Variants in CACNA1H observed in about 807,000 individuals in gnomAD.
CACNA1H encodes the protein calcium voltage-gated channel subunit alpha1 H.
A neutral mutation model predicts 192.5 loss-of-function variants in CACNA1H; 149 were observed. That is an observed-to-expected ratio of 0.77 (90% CI 0.68 to 0.89). The LOEUF (loss-of-function observed/expected upper bound fraction) is 0.89, where lower values mean the gene tolerates loss of function less well. CACNA1H is among the 40% of genes least tolerant of loss of function. The pLI is 0.00. For missense variants in CACNA1H, 4,257 were observed against 3,423.5 expected, an observed-to-expected ratio of 1.24 and a Z score of -6.08; for synonymous variants, 2,202 against 1,475.2, an observed-to-expected ratio of 1.49 and a Z score of -11.29.
Position 1,220,087 on chromosome 16 carries a change from G to A in CACNA1H, c.6155G>A (p.Gly2052Glu). The change falls in exon 35 of 35, where the codon GGG (glycine) becomes GAG (glutamate). Residue 2052 changes from glycine (G) to glutamate (E), a missense_variant. Transcript: ENST00000348261. ...ACCCCGGTGAGGCCGGTGACCCAGG[G>A]GGGCTCCCTGCAGTCCCCACCACGC... ...EKTPVRPVTQ[G>E]GSLQSPPRSP... 3 of 1,461,336 alleles carry A rather than the reference G, an allele frequency of 2.1e-6. No individual in the cohort carries two copies. Among genetic ancestry groups the A allele is most frequent in the Middle Eastern group, 1.8e-4 (1 of 5,512 alleles). The allele number at this position is 1,461,336 out of a possible 1,614,324, so 90.5% of individuals were successfully genotyped here.
intron 2 of CACNA1H, among the ~76,000 whole-genome samples, chr16:1,181,140 C>T (rs897257417): frequency 6.6e-6 from 1 of 152,222 alleles, no homozygotes; most frequent in Non-Finnish European, 1.5e-5. Context: ...CAGGGGCAGG[C>T]GGCCGTCTTC....
rs1387438918 is a variant in CACNA1H at position 1,214,882 on chromosome 16, A to G, written c.4930-90A>G. On this transcript the variant is annotated intron_variant, in intron 27 of 34. Transcript: ENST00000348261. ...GACCTGGGAGCCTCCAGGGCCGGCC[A>G]GCGGGGGCACTCGGGCGTGCAGAGT... The G allele has an allele frequency of 6.1e-6, 6 of 976,244 alleles. No individual in the cohort carries two copies. In the African/African-American group the frequency reaches 9.7e-5, roughly 16 times the overall value. The allele number at this position is 976,244 out of a possible 1,614,324, so 60.5% of individuals were successfully genotyped here.
In CACNA1H at chr16:1,202,107, G is replaced by C. The variant is rs1258128309; in HGVS notation, c.1657G>C (p.Ala553Pro). ...CGCCTGCGACACCAGGCTGGTCCGA[G>C]CTGGCGCGCCCCCCTCGCCACCTTC... is the stretch of plus-strand genomic sequence containing the variant. ...PGACDTRLVR[A>P]GAPPSPPSPG... The change falls in exon 9 of 35, where the codon GCT becomes CCT. Residue 553 changes from alanine to proline, a missense_variant. Coordinates refer to ENST00000348261, the MANE Select transcript of CACNA1H (RefSeq NM_021098.3). 5.8e-6 allele frequency: 9 copies of C among 1,545,608 alleles called. No individual in the cohort carries two copies. The East Asian group carries it at 2.2e-4, about 38-fold the overall frequency.
chr16:1,183,962 A>G (rs1965730837), intron 2 of CACNA1H, among the ~76,000 whole-genome samples: 1 of 152,236 alleles, frequency 6.6e-6, no homozygotes, highest in South Asian at 2.1e-4. Context: ...CGCCTGGGGA[A>G]GGTGCGTCTG....
chr16:1,198,170 C>G (rs921761869), intron 5 of CACNA1H, among the ~76,000 whole-genome samples: 2 of 152,158 alleles, frequency 1.3e-5, no homozygotes, highest in East Asian at 1.9e-4. Flanking sequence ...GTGGCAACTT[C>G]AGGGTGTCGC....
rs1156543513 is a variant in CACNA1H at position 1,221,568 on chromosome 16, C to G, written c.*574C>G. On this transcript the variant is annotated 3_prime_UTR_variant, in exon 35 of 35. Transcript: ENST00000348261. Reference sequence around the variant, plus strand: ...TGACACCTCACTAAGGGGCCGACCCCATGGAGTAACGCGCCCGGCCCCGAT... The same window carrying G: ...TGACACCTCACTAAGGGGCCGACCCGATGGAGTAACGCGCCCGGCCCCGAT... 1 of 556,384 alleles carries G rather than the reference C, an allele frequency of 1.8e-6. No individual in the cohort carries two copies. The highest frequency in any genetic ancestry group is 3.2e-5 in the East Asian group (1 of 30,958). 34.5% of individuals were successfully genotyped at this position (556,384 alleles called of 1,614,324 possible).
chr16:1,154,737 G>A lies in CACNA1H; in HGVS notation c.299+701G>A, dbSNP rs1025171883. Reference sequence around the variant, plus strand: ...TTCCCTGGCTGGAGAGGAAGAGGCAGCCTCTTCTACTCTCGGCCAGAGCGG... The same window carrying A: ...TTCCCTGGCTGGAGAGGAAGAGGCAACCTCTTCTACTCTCGGCCAGAGCGG... On this transcript the variant is annotated intron_variant, in intron 2 of 34. Transcript: ENST00000348261. Among the ~76,000 whole-genome samples, 4 of 152,318 alleles carry A rather than the reference G, an allele frequency of 2.6e-5. No homozygotes were observed. In the East Asian group the frequency reaches 5.8e-4, roughly 22 times the overall value.
intron 2 of CACNA1H, among the ~76,000 whole-genome samples, chr16:1,154,254 TC>T (rs921630107): frequency 6.6e-6 from 1 of 151,838 alleles, no homozygotes; most frequent in African/African-American, 2.4e-5. Context: ...CGGACTCCCT[TC>T]CCCAGGGCCG....
intron 5 of CACNA1H, among the ~76,000 whole-genome samples, chr16:1,196,587 G>T (rs543758406): frequency 6.6e-6 from 1 of 152,330 alleles, no homozygotes; most frequent in African/African-American, 2.4e-5. Context: ...GCTGGCCAGG[G>T]CTGGGCCTCC....
intron 2 of CACNA1H, among the ~76,000 whole-genome samples, chr16:1,172,607 C>T (rs915248356): frequency 6.6e-6 from 1 of 152,322 alleles, no homozygotes; most frequent in South Asian, 2.1e-4. Flanking sequence ...AGCAGGAGCT[C>T]CCGGCTTCTG....
intron 2 of CACNA1H, among the ~76,000 whole-genome samples, chr16:1,187,637 C>T (rs555518889): frequency 6.6e-6 from 1 of 152,332 alleles, no homozygotes; most frequent in African/African-American, 2.4e-5. Flanking sequence ...GCACTGATGT[C>T]AGGATGCAGC....
Position 1,180,527 on chromosome 16 carries a change from CCA to C in CACNA1H, c.300-14442_300-14441del, listed in dbSNP as rs933989680. On this transcript the variant is annotated intron_variant, in intron 2 of 34. Transcript: ENST00000348261. The surrounding 1 kb of genome is among the most constrained non-coding windows in gnomAD (Gnocchi z 4.4). ...TCCCCATACCCCCTCCGAGGCACAGCCACAGTCTCTGGGTCCTGAGCAGGGGC... is the reference window on the plus strand; with the variant it reads ...TCCCCATACCCCCTCCGAGGCACAGCCAGTCTCTGGGTCCTGAGCAGGGGC... Among the ~76,000 whole-genome samples the C allele has an allele frequency of 2.6e-5, 4 of 152,142 alleles. No homozygotes were observed. The highest frequency in any genetic ancestry group is 9.7e-5 in the African/African-American group (4 of 41,428).
intron 2 of CACNA1H, among the ~76,000 whole-genome samples, chr16:1,172,722 G>A (rs1287928764): frequency 2.6e-5 from 4 of 152,076 alleles, no homozygotes; most frequent in Non-Finnish European, 5.9e-5. Flanking sequence ...AGGTGCATGG[G>A]GTGAGCTGGG....
chr16:1,215,513 C>T lies in CACNA1H; in HGVS notation c.5174-10C>T. ...GCCCAGCCCTGCTGACGCTCAGCTCCCGGCCCTAGTGCTGAAGCTGCTGAA... is the reference window on the plus strand; with the variant it reads ...GCCCAGCCCTGCTGACGCTCAGCTCTCGGCCCTAGTGCTGAAGCTGCTGAA... On this transcript the variant is annotated splice_polypyrimidine_tract_variant and intron_variant, in intron 29 of 34. Coordinates refer to ENST00000348261, the MANE Select transcript of CACNA1H (RefSeq NM_021098.3). 1.2e-6 allele frequency: 2 copies of T among 1,610,524 alleles called. No individual in the cohort carries two copies. The highest frequency in any genetic ancestry group is 1.7e-6 in the Non-Finnish European group (2 of 1,179,116).
Position 1,215,065 on chromosome 16 carries a change from C to A in CACNA1H, c.5023C>A (p.Arg1675=), listed in dbSNP as rs760740366. The change falls in exon 28 of 35, where the codon CGG becomes AGG. Residue 1675 remains arginine, a synonymous_variant. Coordinates refer to ENST00000348261, the MANE Select transcript of CACNA1H (RefSeq NM_021098.3). ...GAAGCTGGTAGCATTTGGGTTCCGTCGGTTCTTCAAGGACAGGTGTGTGTG... is the reference window on the plus strand; with the variant it reads ...GAAGCTGGTAGCATTTGGGTTCCGTAGGTTCTTCAAGGACAGGTGTGTGTG... ...ALKLVAFGFR[R]FFKDRWNQLD... 2 of 1,612,076 alleles carry A rather than the reference C, an allele frequency of 1.2e-6. No individual in the cohort carries two copies. The highest frequency in any genetic ancestry group is 1.7e-5 in the Admixed American group (1 of 59,798).
At chr16:1,183,391 C>T (rs933287747) in intron 2 of CACNA1H, among the ~76,000 whole-genome samples, 12 of 152,208 alleles carry the variant, frequency 7.9e-5, no homozygotes, top group South Asian at 2.1e-4. Flanking sequence ...AGCGTGGAGC[C>T]GGGAATCCCT....
rs1969176484 is a variant in CACNA1H at position 1,209,544 on chromosome 16, C to T, written c.3744+132C>T. On this transcript the variant is annotated intron_variant, in intron 17 of 34. Transcript: ENST00000348261. ...GGATTCAGAAGGGGAGAGAAGCAGG[C>T]CAGGCCAGGGAGGAATCCAGCAGTG... 7 of 1,133,628 alleles carry T rather than the reference C, an allele frequency of 6.2e-6. No individual in the cohort carries two copies. In the East Asian group the frequency reaches 1.5e-4, roughly 25 times the overall value. 70.2% of individuals were successfully genotyped at this position (1,133,628 alleles called of 1,614,324 possible).
chr16:1,204,900 A>G (rs1596425605), intron 10 of CACNA1H, among the ~76,000 whole-genome samples: 2 of 29,742 alleles, frequency 6.7e-5, no homozygotes, highest in South Asian at 1.7e-3. Flanking sequence ...GAGGGGTGGG[A>G]GCCGCGGGTG....
rs754111189 is a variant in CACNA1H at position 1,196,042 on chromosome 16, C to T, written c.643+19C>T. On this transcript the variant is annotated intron_variant, in intron 5 of 34. Coordinates refer to ENST00000348261, the MANE Select transcript of CACNA1H (RefSeq NM_021098.3). Reference sequence around the variant, plus strand: ...GTGCCTAGTAAGTGACCGGCCCCGACTGGGCTTGAGATCAACAGGCTTGCG... The same window carrying T: ...GTGCCTAGTAAGTGACCGGCCCCGATTGGGCTTGAGATCAACAGGCTTGCG... 2 of 1,600,704 alleles carry T rather than the reference C, an allele frequency of 1.2e-6. No individual in the cohort carries two copies. Among genetic ancestry groups the T allele is most frequent in the Admixed American group, 1.7e-5 (1 of 59,938 alleles).
Sources: allele counts gnomAD v4.1 joint callset (sites outside exome capture counted in the v4.1 genomes callset), GRCh38; gene constraint gnomAD v4.1.1; non-coding constraint Gnocchi (gnomAD v3.1); transcripts MANE v1.5; gene names NCBI Gene and HGNC (gene_info 2026-07-23, HGNC 2026-07-21).